CDC42BPA: variants seen among roughly 807,000 people sequenced by gnomAD.
The protein encoded by CDC42BPA is CDC42 binding protein kinase alpha, also known as serine/threonine-protein kinase MRCK alpha.
A neutral mutation model predicts 223.5 loss-of-function variants in CDC42BPA; 80 were observed. The ratio of observed to expected loss-of-function variants is 0.36; its 90% CI spans 0.30 to 0.43. The LOEUF (loss-of-function observed/expected upper bound fraction) is 0.43, where lower values mean the gene tolerates loss of function less well. Among genes scored for constraint, CDC42BPA ranks in the 20% least tolerant of loss-of-function variants. CDC42BPA has a pLI of 1.00. For synonymous variants in CDC42BPA, 694 were observed against 718.6 expected, an observed-to-expected ratio of 0.97 and a Z score of 0.55; for missense variants, 1,743 against 2,099.9, an observed-to-expected ratio of 0.83 and a Z score of 3.32.
At chr1:227,193,108 A>T (rs997944840) in intron 5 of CDC42BPA, among the ~76,000 whole-genome samples, 1 of 127,868 alleles carries the variant, frequency 7.8e-6, no homozygotes, top group Admixed American at 9.8e-5. Context: ...TCGCTCTGTC[A>T]CCCAGGCTGG....
intron 10 of CDC42BPA, among the ~76,000 whole-genome samples, chr1:227,137,760 G>C (rs1658881649): frequency 6.6e-6 from 1 of 150,890 alleles, no homozygotes; most frequent in Non-Finnish European, 1.5e-5. Context: ...ATACACAAAA[G>C]AGAATATACT....
chr1:227,170,049 C>T (rs1665817924), intron 5 of CDC42BPA, among the ~76,000 whole-genome samples: 1 of 152,124 alleles, frequency 6.6e-6, no homozygotes, highest in Admixed American at 6.5e-5. Flanking sequence ...TAGAACCTTG[C>T]CACTCACCCA....
chr1:227,152,324 T>C (rs940916595), intron 6 of CDC42BPA, among the ~76,000 whole-genome samples: 2 of 152,156 alleles, frequency 1.3e-5, no homozygotes, highest in African/African-American at 2.4e-5. Context: ...AAGTATCCCT[T>C]CTATTTTTTT....
chr1:227,078,289 T>C (rs545903744), intron 17 of CDC42BPA, among the ~76,000 whole-genome samples: 38 of 152,290 alleles, frequency 2.5e-4, no homozygotes, highest in Admixed American at 2.2e-3. Flanking sequence ...AAAGTCAGTA[T>C]CTATTCAATA....
intron 6 of CDC42BPA, among the ~76,000 whole-genome samples, chr1:227,159,246 G>A (rs540819462): frequency 2.0e-5 from 3 of 152,118 alleles, no homozygotes; most frequent in Non-Finnish European, 4.4e-5. Context: ...CAGCACTTTG[G>A]GAGGCCGAGG....
At chr1:227,194,855 A>G (rs879452912) in intron 4 of CDC42BPA, among the ~76,000 whole-genome samples, 1 of 152,186 alleles carries the variant, frequency 6.6e-6, no homozygotes, top group Non-Finnish European at 1.5e-5. Context: ...TCTCTGTGAC[A>G]TTTCATTTTC....
At chr1:227,232,165 T>G (rs570214808) in intron 2 of CDC42BPA, among the ~76,000 whole-genome samples, 2 of 152,232 alleles carry the variant, frequency 1.3e-5, no homozygotes, top group African/African-American at 2.4e-5. Context: ...TTGTATAAGA[T>G]GTAAGGAAGG....
At chr1:227,268,642 T>C (rs902710952) in intron 1 of CDC42BPA, among the ~76,000 whole-genome samples, 3 of 125,744 alleles carry the variant, frequency 2.4e-5, no homozygotes, top group African/African-American at 9.8e-5. Context: ...TGTATATATA[T>C]AGTGTGTGTG....
rs552983154 is a variant in CDC42BPA at position 227,215,515 on chromosome 1, T to C, written c.271-2296A>G. 3.4e-4 allele frequency among the ~76,000 whole-genome samples: 52 copies of C among 152,194 alleles called. 1 individual carries two copies. On this transcript the variant is annotated intron_variant, in intron 2 of 36. Transcript: ENST00000366766. Reference sequence around the variant, plus strand: ...CACTAACTATTGAGGTATTGTGGTGTAACTGATCAGGGACAAAATGAGACC... The same window carrying C: ...CACTAACTATTGAGGTATTGTGGTGCAACTGATCAGGGACAAAATGAGACC...
At chr1:227,287,190 T>TAGGATGGTCTCTCTCCA (rs1235922911) in intron 1 of CDC42BPA, among the ~76,000 whole-genome samples, 1 of 152,186 alleles carries the variant, frequency 6.6e-6, no homozygotes, top group African/African-American at 2.4e-5. Context: ...TACTCTCTCC[T>TAGGATGGTCTCTCTCCA]AGGATGGTCT....
chr1:227,162,953 TATG>T (rs1664240405), intron 5 of CDC42BPA, among the ~76,000 whole-genome samples: 13 of 150,582 alleles, frequency 8.6e-5, no homozygotes, highest in East Asian at 1.9e-4. Context: ...TCCAAACATA[TATG>T]TTTCCAAACG....
rs537011642 is a variant in CDC42BPA, at chr1:227,287,812, C to T, written c.178+29193G>A. 6.6e-5 allele frequency among the ~76,000 whole-genome samples: 10 copies of T among 152,258 alleles called. No individual in the cohort carries two copies. In the East Asian group the frequency reaches 1.5e-3, roughly 24 times the overall value. On this transcript the variant is annotated intron_variant, in intron 1 of 36. Transcript: ENST00000366766. ...TAATTACAATATCCATCATCTCAAA[C>T]GTTTATCATTTATTTGTGTTGGTAA...
chr1:227,304,933 TAAAG>T (rs913595795), intron 1 of CDC42BPA, among the ~76,000 whole-genome samples: 1 of 152,192 alleles, frequency 6.6e-6, no homozygotes, highest in Non-Finnish European at 1.5e-5. Flanking sequence ...GTAAATTTCT[TAAAG>T]AACTTTAAAT....
chr1:227,110,522 G>T (rs893368548), intron 14 of CDC42BPA, among the ~76,000 whole-genome samples: 5 of 152,050 alleles, frequency 3.3e-5, no homozygotes, highest in Non-Finnish European at 5.9e-5. Context: ...GAAAACCTGG[G>T]TTTACATTGT....
At chr1:227,151,924 A>G (rs2149726408) in intron 6 of CDC42BPA, among the ~76,000 whole-genome samples, 1 of 148,852 alleles carries the variant, frequency 6.7e-6, no homozygotes, top group Admixed American at 6.7e-5. Context: ...GTGGTGGTGC[A>G]TGTCTGAAAT....
Position 227,259,267 on chromosome 1 carries a change from AT to A in CDC42BPA, c.179-5113del, listed in dbSNP as rs1683635026. On this transcript the variant is annotated intron_variant, in intron 1 of 36. Coordinates refer to ENST00000366766, the MANE Select transcript of CDC42BPA (RefSeq NM_001394014.1). ...TCTGACCTAAGCTGGGGGACAAGTA[AT>A]TTCAAACCTAACTCAGAGTCAGTCT... Among the ~76,000 whole-genome samples, 3 of 151,012 alleles carry A rather than the reference AT, an allele frequency of 2.0e-5. 1 individual carries two copies. Among genetic ancestry groups the A allele is most frequent in the African/African-American group, 7.4e-5 (3 of 40,308 alleles).
intron 30 of CDC42BPA, 127 bp from the exon 31 acceptor site, chr1:227,026,279 A>T: frequency 1.8e-6 from 1 of 563,230 alleles, no homozygotes; most frequent in South Asian, 2.6e-5. Flanking sequence ...GCTATCATAT[A>T]GTAGCCAAAT....
intron 31 of CDC42BPA, among the ~76,000 whole-genome samples, chr1:227,025,045 C>T (rs1668011969): frequency 6.6e-6 from 1 of 152,146 alleles, no homozygotes; most frequent in Non-Finnish European, 1.5e-5. Flanking sequence ...AAGTTCGAGG[C>T]CAGCCTGGCC....
chr1:227,058,214 A>G (rs1674996820), intron 21 of CDC42BPA, among the ~76,000 whole-genome samples: 1 of 152,256 alleles, frequency 6.6e-6, no homozygotes, highest in Non-Finnish European at 1.5e-5. Context: ...TCTACTGGCC[A>G]TAGTACAGGT....
Sources: allele counts gnomAD v4.1 joint callset (sites outside exome capture counted in the v4.1 genomes callset), GRCh38; gene constraint gnomAD v4.1.1; transcripts MANE v1.5; gene names NCBI Gene and HGNC (gene_info 2026-07-23, HGNC 2026-07-21).